B4GALT5: variants seen among roughly 807,000 people sequenced by gnomAD.
The protein encoded by B4GALT5 is UDP-Gal:beta-GlcNAc beta-1,4-galactosyltransferase 5.
Under a neutral mutation model 45.0 loss-of-function variants are expected in B4GALT5, and 11 were observed. That is an observed-to-expected ratio of 0.24 (90% CI 0.15 to 0.40). The LOEUF (loss-of-function observed/expected upper bound fraction) is 0.40, where lower values mean the gene tolerates loss of function less well. Ranked by LOEUF, B4GALT5 falls within the 10% of genes least tolerant of loss-of-function variation. B4GALT5 has a pLI of 1.00. For missense variants in B4GALT5, 337 were observed against 500.2 expected (o/e 0.67, Z 3.11); for synonymous variants, 185 against 182.9 (o/e 1.01, Z -0.09).
chr20:49,654,262 G>A lies in B4GALT5; in HGVS notation c.250+2306C>T, dbSNP rs116792389. On this transcript the variant is annotated intron_variant, in intron 2 of 8. Transcript: ENST00000371711. Reference sequence around the variant, plus strand: ...TGCGCCATCTTCCCCAAGATTATATGTACTATGTGTGAAAAATGCAAACAG... The same window carrying A: ...TGCGCCATCTTCCCCAAGATTATATATACTATGTGTGAAAAATGCAAACAG... 7.7e-3 allele frequency among the ~76,000 whole-genome samples: 1,174 copies of A among 152,244 alleles called. 14 individuals carry two copies. The highest frequency in any genetic ancestry group is 0.027 in the African/African-American group (1,127 of 41,532).
At chr20:49,676,806 C>T (rs1484896695) in intron 1 of B4GALT5, among the ~76,000 whole-genome samples, 1 of 152,230 alleles carries the variant, frequency 6.6e-6, no homozygotes, top group Non-Finnish European at 1.5e-5. Flanking sequence ...CAATAATTTT[C>T]ACTATTTAAA....
intron 1 of B4GALT5, among the ~76,000 whole-genome samples, chr20:49,703,368 T>C (rs948582879): frequency 6.6e-6 from 1 of 152,104 alleles, no homozygotes; most frequent in East Asian, 1.9e-4. Context: ...TTAATTCCTT[T>C]CCCCAAAGTA....
In B4GALT5 at chr20:49,637,358, T is replaced by C; in HGVS notation, c.1002A>G (p.Glu334=). ...YKSIPHHHRG[E]VQFLGRYALL... ...CCACCAACCTTCCAAGAAACTGGAC[T>C]TCTCCTCGATGGTGATGAGGAATGG... is the stretch of plus-strand genomic sequence containing the variant. The change falls in exon 8 of 9, where the codon GAA becomes GAG. Residue 334 remains glutamate, a synonymous_variant. Coordinates refer to ENST00000371711, the MANE Select transcript of B4GALT5 (RefSeq NM_004776.4). 6.2e-7 allele frequency: 1 copy of C among 1,613,952 alleles called. No individual in the cohort carries two copies. The highest frequency in any genetic ancestry group is 1.3e-5 in the African/African-American group (1 of 75,032).
intron 1 of B4GALT5, among the ~76,000 whole-genome samples, chr20:49,681,318 G>A (rs142203247): frequency 2.0e-5 from 3 of 150,872 alleles, no homozygotes; most frequent in African/African-American, 7.3e-5. Flanking sequence ...TTCACGTTAA[G>A]AGTCAGAGCG....
chr20:49,687,519 G>A lies in B4GALT5; in HGVS notation c.115+26057C>T, dbSNP rs913634299. Among the ~76,000 whole-genome samples the A allele has an allele frequency of 4.6e-5, 7 of 151,858 alleles. 1 individual carries two copies. The South Asian group carries it at 6.2e-4, about 14-fold the overall frequency. On this transcript the variant is annotated intron_variant, in intron 1 of 8. Transcript: ENST00000371711. ...ATTAGCCGGGTGTGGTGGCAGGCGC[G>A]TGTAATCCCAGCTACTCGGGAGGCT...
intron 5 of B4GALT5, among the ~76,000 whole-genome samples, chr20:49,641,846 AATGTAAAC>A (rs367797302): frequency 1.3e-5 from 2 of 152,294 alleles, no homozygotes; most frequent in East Asian, 3.9e-4. Flanking sequence ...CCAAGTCAGT[AATGTAAAC>A]ATATAAAGTA....
intron 1 of B4GALT5, among the ~76,000 whole-genome samples, chr20:49,695,078 G>A (rs1428449897): frequency 2.0e-5 from 3 of 150,350 alleles, no homozygotes; most frequent in Admixed American, 6.6e-5. Context: ...GTGAACACCT[G>A]CACTGTTTTC....
intron 1 of B4GALT5, among the ~76,000 whole-genome samples, chr20:49,673,834 G>T (rs1161503066): frequency 2.0e-5 from 3 of 152,080 alleles, no homozygotes; most frequent in Admixed American, 6.5e-5. Context: ...CAGAGCCACA[G>T]TTCAAACAAA....
chr20:49,712,381 A>C (rs1429795075), intron 1 of B4GALT5, among the ~76,000 whole-genome samples: 1 of 140,182 alleles, frequency 7.1e-6, no homozygotes, highest in East Asian at 2.1e-4. Context: ...TCCGCTCTTA[A>C]CCTTCATGCT....
At chr20:49,657,138 C>G in intron 1 of B4GALT5, among the ~76,000 whole-genome samples, 1 of 152,086 alleles carries the variant, frequency 6.6e-6, no homozygotes, top group East Asian at 1.9e-4. Flanking sequence ...TCTCTGACTG[C>G]TAGAAGCACT....
chr20:49,699,382 A>AC (rs1440314941), intron 1 of B4GALT5, among the ~76,000 whole-genome samples: 1 of 151,688 alleles, frequency 6.6e-6, no homozygotes, highest in African/African-American at 2.4e-5. Context: ...AAAAAAAAAA[A>AC]AAAAAAACCC....
intron 8 of B4GALT5, among the ~76,000 whole-genome samples, chr20:49,636,791 A>G (rs148826799): frequency 6.6e-6 from 1 of 152,336 alleles, no homozygotes; most frequent in East Asian, 1.9e-4. Context: ...CATTAAAAAT[A>G]CAACAGATGA....
intron 1 of B4GALT5, among the ~76,000 whole-genome samples, chr20:49,699,919 C>A (rs1381485078): frequency 6.6e-6 from 1 of 152,192 alleles, no homozygotes; most frequent in Non-Finnish European, 1.5e-5. Flanking sequence ...TCATCACTTC[C>A]TCTGCCCGGT....
At chr20:49,701,759 T>G (rs1382840991) in intron 1 of B4GALT5, among the ~76,000 whole-genome samples, 1 of 152,186 alleles carries the variant, frequency 6.6e-6, no homozygotes, top group African/African-American at 2.4e-5. Flanking sequence ...TGATGCTGAT[T>G]AATGGAGATT....
chr20:49,704,390 C>T (rs2085875291), intron 1 of B4GALT5, among the ~76,000 whole-genome samples: 1 of 152,174 alleles, frequency 6.6e-6, no homozygotes, highest in Non-Finnish European at 1.5e-5. Flanking sequence ...TACAGTTGTG[C>T]TCACTAGCAT....
At chr20:49,661,294 GGC>G (rs1370065607) in intron 1 of B4GALT5, among the ~76,000 whole-genome samples, 1 of 152,120 alleles carries the variant, frequency 6.6e-6, no homozygotes, top group African/African-American at 2.4e-5. Context: ...GGAGTGTAGT[GGC>G]GCGTCTCGGC....
intron 1 of B4GALT5, among the ~76,000 whole-genome samples, chr20:49,661,352 A>G (rs1352988221): frequency 1.3e-5 from 2 of 152,098 alleles, no homozygotes; most frequent in Non-Finnish European, 2.9e-5. Flanking sequence ...CTTCTGCCTC[A>G]GCCTCCTGAG....
intron 1 of B4GALT5, among the ~76,000 whole-genome samples, chr20:49,705,000 GA>G (rs905473397): frequency 1.8e-4 from 26 of 145,468 alleles, no homozygotes; most frequent in South Asian, 1.7e-3. Flanking sequence ...AACAAAAGGA[GA>G]AAAAAAAAAG....
At chr20:49,643,048 T>C (rs1372154109) in intron 4 of B4GALT5, among the ~76,000 whole-genome samples, 2 of 152,262 alleles carry the variant, frequency 1.3e-5, no homozygotes, top group East Asian at 1.9e-4. Flanking sequence ...CGCATTTTAA[T>C]AGATACTTGT....
Sources: gnomAD v4.1 joint callset for allele counts (sites outside exome capture counted in the v4.1 genomes callset) on GRCh38, gnomAD v4.1.1 for gene constraint, MANE v1.5 for transcripts, NCBI Gene and HGNC (gene_info 2026-07-23, HGNC 2026-07-21) for gene names.